The following STXBP2 variants were observed in gnomAD, a reference collection of about 807,000 sequenced individuals.
The protein encoded by STXBP2 is syntaxin binding protein 2, also known as syntaxin-binding protein 2.
Under a neutral mutation model 72.2 loss-of-function variants are expected in STXBP2, and 47 were observed. The observed-to-expected ratio is 0.65, with a 90% CI of 0.51 to 0.83. The LOEUF (loss-of-function observed/expected upper bound fraction) is 0.83. STXBP2 is among the 40% of genes least tolerant of loss of function. The probability of loss-of-function intolerance (pLI) is 0.00; values close to 1 mark genes in which losing one functional copy is unlikely to be tolerated. For missense variants in STXBP2, 702 were observed against 807.6 expected (o/e 0.87, Z 1.58); for synonymous variants, 367 against 338.7 (o/e 1.08, Z -0.92).
At chr19:7,633,437 C>G, upstream of STXBP2, 1 of 1,577,410 alleles carries the variant, frequency 6.3e-7, no homozygotes, top group Non-Finnish European at 8.6e-7. Context: ...CTTCCTCCGT[C>G]TTCTCCTCCT....
rs185382681 is a variant in STXBP2 at position 7,644,781 on chromosome 19, G to A, written c.1246+29G>A. 1,729 of 1,613,184 alleles carry A rather than the reference G, an allele frequency of 1.1e-3. 26 individuals are homozygous for A. The Admixed American group carries it at 0.026, about 25-fold the overall frequency. ...GGTGGGGGCTGCAGGGAGTTGGAAC[G>A]TCCCCATTTGCCAGCGTCTCCCACG... On this transcript the variant is annotated intron_variant, in intron 14 of 18. Transcript: ENST00000221283.
intron 6 of STXBP2, 103 bp downstream of exon 6, chr19:7,641,106 T>G (rs746804640): frequency 1.4e-5 from 18 of 1,247,144 alleles, no homozygotes; most frequent in Non-Finnish European, 2.1e-5. Flanking sequence ...GGCTCATACC[T>G]GTAATCCCAG....
rs1246771714 is a variant in STXBP2 at position 7,640,775 on chromosome 19, C to A, written c.291C>A (p.Phe97Leu). Residue 97 changes from phenylalanine to leucine, a missense_variant, in exon 5 of 19, where the codon TTC becomes TTA. Transcript: ENST00000221283. Reference sequence around the variant, plus strand: ...AAGACTTCCAGGGGACCCCGACTTTCACCTACAAAGCGGCCCATATCTTCT... The same window carrying A: ...AAGACTTCCAGGGGACCCCGACTTTAACCTACAAAGCGGCCCATATCTTCT... ...LIKDFQGTPTFTYKAAHIFFT... is the reference protein window; with the variant it reads ...LIKDFQGTPTLTYKAAHIFFT... The A allele has an allele frequency of 7.4e-6, 12 of 1,614,064 alleles. No homozygotes were observed. The highest frequency in any genetic ancestry group is 9.3e-6 in the Non-Finnish European group (11 of 1,180,014).
intron 16 of STXBP2, chr19:7,646,778 G>T: frequency 2.5e-6 from 1 of 403,172 alleles, no homozygotes; most frequent in Non-Finnish European, 4.6e-6. Context: ...TCATCCCCAT[G>T]GACCTTGAAT....
rs745780359 is a variant in STXBP2, at chr19:7,647,525, ACTGGGACC to A, written c.1696+20_1696+27del. 2 of 1,585,164 alleles carry A rather than the reference ACTGGGACC, an allele frequency of 1.3e-6. No homozygotes were observed. Among genetic ancestry groups the A allele is most frequent in the Non-Finnish European group, 1.7e-6 (2 of 1,164,674 alleles). ...AGGTGCTCATTGGTAAGTCACCAGG[ACTGGGACC>A]CTGGGGTCTGGGGCTTGGGTTCCCG... On this transcript the variant is annotated intron_variant, in intron 18 of 18. Coordinates refer to ENST00000221283, the MANE Select transcript of STXBP2 (RefSeq NM_006949.4).
chr19:7,645,898 C>T (rs1727079164), intron 15 of STXBP2: 5 of 397,530 alleles, frequency 1.3e-5, no homozygotes, highest in Non-Finnish European at 1.8e-5. Flanking sequence ...CTCCCCTCTC[C>T]GTCCCCCTTC....
At chr19:7,640,382 CAG>C (rs1363908765) in intron 4 of STXBP2, 3 of 568,104 alleles carry the variant, frequency 5.3e-6, no homozygotes, top group African/African-American at 2.1e-5. Context: ...GTGTGCGCAT[CAG>C]TGTCTGCATG....
chr19:7,630,617 C>T, the STXBP2 span: 1 of 1,537,204 alleles, frequency 6.5e-7, no homozygotes, highest in East Asian at 2.4e-5. Context: ...TCTGGGTTTC[C>T]AATCAGGCCG....
At position 7,644,610 on chromosome 19, in the gene STXBP2, G is replaced by A. The variant is rs1175745070; in HGVS notation, c.1108-4G>A. ...CCGGTGGACGGCTGACCCCATGCCC[G>A]CAGGACCTGGCCATGGGCTCCGACG... On this transcript the variant is annotated splice_polypyrimidine_tract_variant and splice_region_variant and intron_variant, in intron 13 of 18. Coordinates refer to ENST00000221283, the MANE Select transcript of STXBP2 (RefSeq NM_006949.4). 1.2e-5 allele frequency: 19 copies of A among 1,611,546 alleles called. No individual in the cohort carries two copies. Among genetic ancestry groups the A allele is most frequent in the East Asian group, 6.7e-5 (3 of 44,882 alleles).
intron 6 of STXBP2, 58 bp downstream of exon 6, chr19:7,641,061 T>C (rs1407234726): frequency 6.4e-7 from 1 of 1,563,928 alleles, no homozygotes; most frequent in Non-Finnish European, 8.8e-7. Flanking sequence ...ATGTCCCCTG[T>C]TCCCTCAGAA....
chr19:7,643,039 G>A lies in STXBP2; in HGVS notation c.1017G>A (p.Glu339=). The A allele has an allele frequency of 6.8e-6, 11 of 1,614,200 alleles. No individual in the cohort carries two copies. Among genetic ancestry groups the A allele is most frequent in the Non-Finnish European group, 9.3e-6 (11 of 1,180,038 alleles). Residue 339 remains glutamate, a synonymous_variant, in exon 12 of 19, where the codon GAG becomes GAA. Coordinates refer to ENST00000221283, the MANE Select transcript of STXBP2 (RefSeq NM_006949.4). ...AAAAGATGCCGCAGTACCAGAAGGAGCTGAATAAGGTGTGCTCGGGTGGGC... is the reference window on the plus strand; with the variant it reads ...AAAAGATGCCGCAGTACCAGAAGGAACTGAATAAGGTGTGCTCGGGTGGGC... The part of the protein sequence containing the change: ...ILKKMPQYQK[E]LNKYSTHLHL...
rs561556497 is a variant in STXBP2, at chr19:7,639,654, A to T, written c.170-77A>T. 3.6e-4 allele frequency: 511 copies of T among 1,414,136 alleles called. 2 individuals are homozygous for T. The African/African-American group carries it at 4.7e-3, about 13-fold the overall frequency. The allele number at this position is 1,414,136 out of a possible 1,614,324, so 87.6% of individuals were successfully genotyped here. On this transcript the variant is annotated intron_variant, in intron 3 of 18. Coordinates refer to ENST00000221283, the MANE Select transcript of STXBP2 (RefSeq NM_006949.4). ...TCCACCCCTCCTCCCCAAGCCTCCAACCCCCCACACCTGAGACTCCCCACG... is the reference window on the plus strand; with the variant it reads ...TCCACCCCTCCTCCCCAAGCCTCCATCCCCCCACACCTGAGACTCCCCACG...
At chr19:7,638,092 C>G (rs529786602) in intron 1 of STXBP2, among the ~76,000 whole-genome samples, 11 of 152,166 alleles carry the variant, frequency 7.2e-5, no homozygotes, top group African/African-American at 2.4e-4. Context: ...GTGGGGAAGC[C>G]GAGAGCCTGG....
intron 2 of STXBP2, 104 bp downstream of exon 2, chr19:7,638,879 T>C (rs554774312): frequency 1.3e-6 from 2 of 1,572,472 alleles, no homozygotes; most frequent in Non-Finnish European, 1.7e-6. Context: ...TCCACATGGG[T>C]GGAGTTGGGT....
chr19:7,630,219 A>G, the STXBP2 span: 1 of 447,454 alleles, frequency 2.2e-6, no homozygotes, highest in East Asian at 4.2e-5. Context: ...CGAGAAGTGG[A>G]GTTGAAGAGT....
chr19:7,641,584 G>A (rs1422032920), intron 6 of STXBP2, 121 bp from the exon 7 acceptor site: 17 of 1,393,274 alleles, frequency 1.2e-5, no homozygotes, highest in Admixed American at 3.9e-5. Flanking sequence ...CCTCCAATTC[G>A]GCAAAGCAGG....
chr19:7,633,301 G>A (rs1384898182), upstream of STXBP2: 5 of 1,164,792 alleles, frequency 4.3e-6, 1 homozygote, highest in South Asian at 2.9e-5. Flanking sequence ...GGGTCAGGGG[G>A]TCCTAGGAGA....
the STXBP2 span, chr19:7,630,414 G>T: frequency 6.3e-6 from 4 of 631,648 alleles, no homozygotes; most frequent in Non-Finnish European, 1.1e-5. Context: ...AGGTTTTAGG[G>T]TGCGAGGTTT....
rs35685478 is a variant in STXBP2 at position 7,640,414 on chromosome 19, A to ATG, written c.247-312_247-311dup. 0.41 allele frequency: 252,111 copies of ATG among 607,856 alleles called. 53,756 individuals carry two copies. Among genetic ancestry groups the ATG allele is most frequent in the East Asian group, 0.7 (21,512 of 30,750 alleles). 37.7% of individuals were successfully genotyped at this position (607,856 alleles called of 1,614,324 possible). On this transcript the variant is annotated intron_variant, in intron 4 of 18. Transcript: ENST00000221283. The stretch of plus-strand genomic sequence containing the variant: ...TGCATGTGTGTATATGTGTGTATGT[A>ATG]TGTGTGCGCGCGCATCTGTGTGTGT...
Sources: gnomAD v4.1 joint callset for allele counts (sites outside exome capture counted in the v4.1 genomes callset) on GRCh38, gnomAD v4.1.1 for gene constraint, MANE v1.5 for transcripts, NCBI Gene and HGNC (gene_info 2026-07-23, HGNC 2026-07-21) for gene names.